The following UMODL1 variants were observed in gnomAD, a reference collection of about 807,000 sequenced individuals.
UMODL1 encodes the protein uromodulin like 1.
UMODL1 carries 128 observed loss-of-function variants against 136.3 expected under a neutral mutation model. That is an observed-to-expected ratio of 0.94 (90% CI 0.81 to 1.09). The LOEUF (loss-of-function observed/expected upper bound fraction) is 1.09. Among genes scored for constraint, UMODL1 ranks in the 50% least tolerant of loss-of-function variants. The probability of loss-of-function intolerance (pLI) is 0.00; values close to 1 mark genes in which losing one functional copy is unlikely to be tolerated. For synonymous variants in UMODL1, 721 were observed against 720.0 expected, an observed-to-expected ratio of 1.00 and a Z score of -0.02; for missense variants, 1,766 against 1,725.6, an observed-to-expected ratio of 1.02 and a Z score of -0.41.
chr21:42,124,921 G>A (rs1461430321), intron 17 of UMODL1, among the ~76,000 whole-genome samples: 2 of 152,132 alleles, frequency 1.3e-5, no homozygotes, highest in South Asian at 2.1e-4. Context: ...CACGCTCTGC[G>A]GCTGAGCCCT....
At chr21:42,067,627 G>A (rs75169940), upstream of UMODL1, among the ~76,000 whole-genome samples, 6 of 152,210 alleles carry the variant, frequency 3.9e-5, no homozygotes, top group Admixed American at 1.3e-4. Context: ...ACACCGGCAC[G>A]TGCGTGTCCA....
Position 42,098,207 on chromosome 21 carries a change from G to A in UMODL1, c.932-719G>A, listed in dbSNP as rs961190472. ...CTGTTCTGACTTTCTAGTAACCACCGATTCCGGATCCCAGAGAGCCCCACG... is the reference window on the plus strand; with the variant it reads ...CTGTTCTGACTTTCTAGTAACCACCAATTCCGGATCCCAGAGAGCCCCACG... On this transcript the variant is annotated intron_variant, in intron 6 of 22. Transcript: ENST00000408910. Among the ~76,000 whole-genome samples, 139 of 152,234 alleles carry A rather than the reference G, an allele frequency of 9.1e-4. 1 individual carries two copies. Among genetic ancestry groups the A allele is most frequent in the Non-Finnish European group, 2.4e-4 (16 of 68,024 alleles).
At position 42,111,607 on chromosome 21, in the gene UMODL1, ACTTCTGAATC is replaced by A. The variant is rs1412854610; in HGVS notation, c.2003_2012del (p.Leu668ProfsTer15). On this transcript the variant is annotated frameshift_variant, in exon 12 of 23. Coordinates refer to ENST00000408910, the MANE Select transcript of UMODL1 (RefSeq NM_001004416.3). LOFTEE classifies it high-confidence loss of function. ...ATGCCACCCGTTCCACCCGGGAAAC[ACTTCTGAATC>A]CCACGTGGCTGCGAAATGAGGACAG... is the stretch of plus-strand genomic sequence containing the variant. The A allele has an allele frequency of 6.2e-7, 1 of 1,614,102 alleles. No homozygotes were observed. Among genetic ancestry groups the A allele is most frequent in the Non-Finnish European group, 8.5e-7 (1 of 1,179,992 alleles).
Position 42,108,375 on chromosome 21 carries a change from C to T in UMODL1, c.1520-1187C>T, listed in dbSNP as rs544794148. 862 of 518,478 alleles carry T rather than the reference C, an allele frequency of 1.7e-3. 11 individuals are homozygous for T. Among genetic ancestry groups the T allele is most frequent in the South Asian group, 0.012 (825 of 68,460 alleles). The allele number at this position is 518,478 out of a possible 1,614,324, so 32.1% of individuals were successfully genotyped here. ...AGTGTTCTGATGGCAAGGCAGCCCC[C>T]AGGCCATGCTAGGGTGGTGGCATAG... On this transcript the variant is annotated intron_variant, in intron 9 of 22. Coordinates refer to ENST00000408910, the MANE Select transcript of UMODL1 (RefSeq NM_001004416.3).
At chr21:42,064,666 C>G (rs1355328703) in intron 1 of UMODL1, among the ~76,000 whole-genome samples, 1 of 152,114 alleles carries the variant, frequency 6.6e-6, no homozygotes, top group African/African-American at 2.4e-5. Flanking sequence ...AGCGATTCCC[C>G]TGCCTAAGCC....
intron 6 of UMODL1, among the ~76,000 whole-genome samples, chr21:42,095,089 GTTTTTTTT>G (rs58764222): frequency 8.2e-5 from 5 of 61,186 alleles, no homozygotes; most frequent in African/African-American, 1.3e-4. Flanking sequence ...TTCTTCTGCT[GTTTTTTTT>G]TTTTTTTTTT....
chr21:42,084,377 G>A, intron 3 of UMODL1, 132 bp downstream of exon 3: 2 of 981,636 alleles, frequency 2.0e-6, no homozygotes, highest in Non-Finnish European at 2.8e-6. Flanking sequence ...CCCCCACCGT[G>A]TGCACAGGCA....
At chr21:42,083,912 C>T (rs2066392280) in intron 2 of UMODL1, among the ~76,000 whole-genome samples, 172 bp from the exon 3 acceptor site, 1 of 152,246 alleles carries the variant, frequency 6.6e-6, no homozygotes, top group South Asian at 2.1e-4. Context: ...AAACCAAAGC[C>T]AATGGCCCTC....
chr21:42,123,192 CA>C lies in UMODL1; in HGVS notation c.3147+44del. 6.4e-7 allele frequency: 1 copy of C among 1,570,224 alleles called. No individual in the cohort carries two copies. The highest frequency in any genetic ancestry group is 8.7e-7 in the Non-Finnish European group (1 of 1,155,034). On this transcript the variant is annotated intron_variant, in intron 17 of 22. Coordinates refer to ENST00000408910, the MANE Select transcript of UMODL1 (RefSeq NM_001004416.3). This position sits in a 1 kb window ranked among gnomAD's most constrained non-coding sequence, Gnocchi z 4.4. ...CAGGCTCAGGATGTACACTAGGGCG[CA>C]AGGGGCTCTAGGTTACATGGGCCTC...
chr21:42,124,208 G>A (rs1013142582), intron 17 of UMODL1, among the ~76,000 whole-genome samples: 1 of 152,240 alleles, frequency 6.6e-6, no homozygotes, highest in African/African-American at 2.4e-5. Context: ...TCAGGGCCCT[G>A]CTTGGGGGAC....
intron 2 of UMODL1, among the ~76,000 whole-genome samples, chr21:42,081,205 G>C (rs1361287637): frequency 2.6e-5 from 4 of 152,160 alleles, no homozygotes; most frequent in Admixed American, 2.6e-4. Context: ...CTGATGACCA[G>C]GGGCCCTTTG....
chr21:42,076,370 G>A (rs2066291865), intron 2 of UMODL1, 123 bp downstream of exon 2: 11 of 1,472,084 alleles, frequency 7.5e-6, no homozygotes, highest in Non-Finnish European at 1.0e-5. Context: ...ACGGCTCCCA[G>A]CCTTGACCAG....
intron 1 of UMODL1, among the ~76,000 whole-genome samples, chr21:42,072,728 G>T (rs1199810802): frequency 6.6e-6 from 1 of 152,238 alleles, no homozygotes. Context: ...GCGCAATCAT[G>T]CAACAGGGGT....
At position 42,122,023 on chromosome 21, in the gene UMODL1, G is replaced by T. The variant is rs1322882787; in HGVS notation, c.2827+799G>T. Among the ~76,000 whole-genome samples the T allele has an allele frequency of 3.9e-5, 6 of 152,310 alleles. No homozygotes were observed. The highest frequency in any genetic ancestry group is 1.4e-4 in the African/African-American group (6 of 41,562). ...AGAAGCAGGCTGCCCAGGGAGGCGG[G>T]TGAGGCAGCAGCCAACTGTGAAGTC... On this transcript the variant is annotated intron_variant, in intron 16 of 22. Transcript: ENST00000408910. This position sits in a 1 kb window ranked among gnomAD's most constrained non-coding sequence, Gnocchi z 4.3.
intron 10 of UMODL1, among the ~76,000 whole-genome samples, chr21:42,110,100 A>G (rs73223542): frequency 0.3 from 45,918 of 151,744 alleles, 6,939 homozygotes; most frequent in East Asian, 0.38. Context: ...AGCCCGAGAC[A>G]GTGTGGAAGC....
intron 16 of UMODL1, 117 bp downstream of exon 16, chr21:42,121,341 A>G: frequency 1.5e-6 from 2 of 1,315,352 alleles, no homozygotes; most frequent in Non-Finnish European, 2.1e-6. Context: ...TGTCCTGGGG[A>G]AGTTTCCTGT....
At chr21:42,063,867 G>A (rs371077541) in intron 1 of UMODL1, among the ~76,000 whole-genome samples, 8 of 152,068 alleles carry the variant, frequency 5.3e-5, no homozygotes, top group African/African-American at 1.9e-4. Context: ...GGGTGGAGCA[G>A]AGCAAACCAC....
chr21:42,114,090 G>A (rs958658847), intron 13 of UMODL1, among the ~76,000 whole-genome samples: 2 of 152,248 alleles, frequency 1.3e-5, no homozygotes, highest in East Asian at 1.9e-4. Context: ...GGAAGGCTGC[G>A]GGTGCGGCTC....
chr21:42,126,961 T>G (rs531670892), intron 18 of UMODL1, 45 bp from the exon 19 acceptor site: 2 of 1,497,946 alleles, frequency 1.3e-6, no homozygotes, highest in South Asian at 2.3e-5. Context: ...GCCACGATAA[T>G]GCGCCTCCTG....
Sources: allele counts gnomAD v4.1 joint callset (sites outside exome capture counted in the v4.1 genomes callset), GRCh38; gene constraint gnomAD v4.1.1; non-coding constraint Gnocchi (gnomAD v3.1); transcripts MANE v1.5; gene names NCBI Gene and HGNC (gene_info 2026-07-23, HGNC 2026-07-21).